Variants in PIK3CD observed in about 807,000 individuals in gnomAD.
The protein encoded by PIK3CD is phosphatidylinositol-4,5-bisphosphate 3-kinase catalytic subunit delta.
PIK3CD carries 20 observed loss-of-function variants against 122.9 expected under a neutral mutation model. The observed-to-expected ratio is 0.16, with a 90% CI of 0.11 to 0.24. The LOEUF is 0.24. Ranked by LOEUF, PIK3CD falls within the 10% of genes least tolerant of loss-of-function variation. The pLI, the probability that PIK3CD is intolerant of heterozygous loss-of-function variation, is 1.00. For synonymous variants in PIK3CD, 596 were observed against 593.4 expected (o/e 1.00, Z -0.06); for missense variants, 787 against 1,406.3 (o/e 0.56, Z 7.04).
Position 9,715,709 on chromosome 1 carries a change from C to G in PIK3CD, c.310C>G (p.Arg104Gly). The part of the protein sequence containing the change: ...PFLPVLRLVA[R>G]EGDRVKKLIN... ...CCTGCCCGTCCTGCGCCTGGTGGCC[C>G]GTGAGGGCGACCGCGTGAAGAAGCT... Residue 104 changes from arginine (R) to glycine (G), a missense_variant, in exon 4 of 24, where the codon CGT becomes GGT. Coordinates refer to ENST00000377346, the MANE Select transcript of PIK3CD (RefSeq NM_005026.5). The surrounding 1 kb of genome is among the most constrained non-coding windows in gnomAD (Gnocchi z 4.1). 2.5e-6 allele frequency: 4 copies of G among 1,613,592 alleles called. No homozygotes were observed. Among genetic ancestry groups the G allele is most frequent in the Non-Finnish European group, 3.4e-6 (4 of 1,180,018 alleles).
the PIK3CD span, among the ~76,000 whole-genome samples, chr1:9,636,795 G>T: frequency 6.6e-6 from 1 of 152,194 alleles, no homozygotes; most frequent in African/African-American, 2.4e-5. Flanking sequence ...AGGGCGAAGC[G>T]CACAGCTTAG....
chr1:9,720,701 G>A lies in PIK3CD; in HGVS notation c.1521+40G>A, dbSNP rs756832397. ...GGTGTGGGGTGGGGGGCATGGAGCC[G>A]GCGTGGAACCAGAGCCCTCACTCCT... On this transcript the variant is annotated intron_variant, in intron 12 of 23. Coordinates refer to ENST00000377346, the MANE Select transcript of PIK3CD (RefSeq NM_005026.5). The surrounding 1 kb of genome is among the most constrained non-coding windows in gnomAD (Gnocchi z 9.0). 57 of 1,584,526 alleles carry A rather than the reference G, an allele frequency of 3.6e-5. No individual in the cohort carries two copies. Among genetic ancestry groups the A allele is most frequent in the Non-Finnish European group, 4.3e-5 (50 of 1,168,022 alleles).
the PIK3CD span, among the ~76,000 whole-genome samples, chr1:9,633,544 G>C: frequency 1.3e-5 from 2 of 151,744 alleles, no homozygotes; most frequent in Non-Finnish European, 2.9e-5. Flanking sequence ...CCTGACCTCA[G>C]GCCATCCACC....
intron 1 of PIK3CD, among the ~76,000 whole-genome samples, chr1:9,670,385 T>C (rs1645287423): frequency 6.6e-6 from 1 of 152,162 alleles, no homozygotes; most frequent in Non-Finnish European, 1.5e-5. Context: ...GTGCAGCACA[T>C]CTAATATGTG....
the PIK3CD span, among the ~76,000 whole-genome samples, chr1:9,645,084 G>A: frequency 2.1e-5 from 3 of 145,160 alleles, no homozygotes; most frequent in East Asian, 6.1e-4. Context: ...GGAGTGCAGT[G>A]GCGCAACCTC....
At chr1:9,630,293 G>A in the PIK3CD span, among the ~76,000 whole-genome samples, 9 of 152,376 alleles carry the variant, frequency 5.9e-5, no homozygotes, top group African/African-American at 1.9e-4. Context: ...GTCACTCGGT[G>A]TCAGGCCCCT....
intron 23 of PIK3CD, among the ~76,000 whole-genome samples, 155 bp from the exon 24 acceptor site, chr1:9,726,754 T>C (rs951219873): frequency 7.2e-5 from 11 of 151,912 alleles, no homozygotes; most frequent in African/African-American, 2.2e-4. Context: ...GCACCTTCAT[T>C]TGAGGGTGGG....
chr1:9,671,583 T>C (rs1016471651), intron 1 of PIK3CD, among the ~76,000 whole-genome samples: 1 of 152,150 alleles, frequency 6.6e-6, no homozygotes, highest in Non-Finnish European at 1.5e-5. Context: ...CCTTATTTGA[T>C]CTTCCCATGA....
Position 9,654,905 on chromosome 1 carries a change from C to CAA in PIK3CD, c.-138+3114_-138+3115dup, listed in dbSNP as rs971484905. 2.1e-3 allele frequency among the ~76,000 whole-genome samples: 302 copies of CAA among 141,744 alleles called. 1 individual carries two copies. Among genetic ancestry groups the CAA allele is most frequent in the African/African-American group, 7.4e-3 (290 of 39,026 alleles). The allele number at this position is 141,744 out of a possible 152,430, so 93.0% of individuals were successfully genotyped here. ...TGAATATCTGTCTCTACGAAAAATG[C>CAA]AAAAAAAAAAAATTAGCTGGGCGTG... On this transcript the variant is annotated intron_variant, in intron 1 of 23. Coordinates refer to ENST00000377346, the MANE Select transcript of PIK3CD (RefSeq NM_005026.5).
In PIK3CD at chr1:9,720,042, G is replaced by T. The variant is rs1648257368; in HGVS notation, c.1339+25G>T. The T allele has an allele frequency of 6.2e-7, 1 of 1,613,322 alleles. No individual in the cohort carries two copies. The highest frequency in any genetic ancestry group is 2.2e-5 in the East Asian group (1 of 44,890). On this transcript the variant is annotated intron_variant, in intron 10 of 23. Transcript: ENST00000377346. The surrounding 1 kb of genome is among the most constrained non-coding windows in gnomAD (Gnocchi z 9.0). ...GGTCGGCCCAGGCCCAGGAGGGAGA[G>T]GCGTTGGGAGTGTGAGGGTCCCAGA...
chr1:9,633,779 T>A, the PIK3CD span, among the ~76,000 whole-genome samples: 6 of 152,256 alleles, frequency 3.9e-5, no homozygotes, highest in East Asian at 1.2e-3. Flanking sequence ...AGGTTTTTTT[T>A]CTCTAATTTC....
intron 2 of PIK3CD, among the ~76,000 whole-genome samples, chr1:9,699,287 C>T (rs1254533350): frequency 1.3e-5 from 2 of 152,176 alleles, no homozygotes; most frequent in Admixed American, 1.3e-4. Flanking sequence ...CACTTCCCCT[C>T]ATCAACCCAG....
chr1:9,674,710 A>G (rs913616690), intron 1 of PIK3CD, among the ~76,000 whole-genome samples: 5 of 150,152 alleles, frequency 3.3e-5, no homozygotes, highest in Non-Finnish European at 7.4e-5. Flanking sequence ...AAAAAAAAAA[A>G]GAAACAAAAA....
At chr1:9,646,521 T>G in the PIK3CD span, among the ~76,000 whole-genome samples, 1 of 152,000 alleles carries the variant, frequency 6.6e-6, no homozygotes, top group Non-Finnish European at 1.5e-5. Flanking sequence ...CTTCCAGAGG[T>G]GGGGAACTGT....
chr1:9,723,855 T>C lies in PIK3CD; in HGVS notation c.2595-114T>C. 1.1e-6 allele frequency: 1 copy of C among 933,812 alleles called. No individual in the cohort carries two copies. The highest frequency in any genetic ancestry group is 1.7e-6 in the Non-Finnish European group (1 of 581,866). The allele number at this position is 933,812 out of a possible 1,614,324, so 57.8% of individuals were successfully genotyped here. On this transcript the variant is annotated intron_variant, in intron 20 of 23. Transcript: ENST00000377346. This position sits in a 1 kb window ranked among gnomAD's most constrained non-coding sequence, Gnocchi z 4.9. ...CCAGCATTGTGTCCTCCATGTTCTG[T>C]TGGTCAAAGCAAGTCACAGGGCCAG...
chr1:9,678,894 C>A (rs949076586), intron 1 of PIK3CD, among the ~76,000 whole-genome samples: 1 of 152,114 alleles, frequency 6.6e-6, no homozygotes, highest in Non-Finnish European at 1.5e-5. Flanking sequence ...GACTTTCCTG[C>A]GTCTTTGGGT....
At chr1:9,698,643 G>A (rs935154007) in intron 2 of PIK3CD, among the ~76,000 whole-genome samples, 1 of 152,146 alleles carries the variant, frequency 6.6e-6, no homozygotes, top group Non-Finnish European at 1.5e-5. Context: ...GAATATCTTT[G>A]TGTATATAGC....
At chr1:9,672,441 T>C (rs895356555) in intron 1 of PIK3CD, 2 of 152,138 alleles carry the variant, frequency 1.3e-5, no homozygotes, top group African/African-American at 2.4e-5. Flanking sequence ...TATTTATTTA[T>C]TTTTAGAGAC....
intron 1 of PIK3CD, among the ~76,000 whole-genome samples, chr1:9,688,771 T>C (rs1646070677): frequency 6.6e-6 from 1 of 151,844 alleles, no homozygotes; most frequent in Non-Finnish European, 1.5e-5. Flanking sequence ...GAGGCTACAG[T>C]GAGCTATGAT....
Sources: gnomAD v4.1 joint callset for allele counts (sites outside exome capture counted in the v4.1 genomes callset) on GRCh38, gnomAD v4.1.1 for gene constraint, Gnocchi (gnomAD v3.1) non-coding constraint, MANE v1.5 for transcripts, NCBI Gene and HGNC (gene_info 2026-07-23, HGNC 2026-07-21) for gene names.